Variants in SLC9C2 observed in about 807,000 individuals in gnomAD.
SLC9C2 encodes the protein sodium/hydrogen exchanger 11.
Under a neutral mutation model 140.2 loss-of-function variants are expected in SLC9C2, and 75 were observed. The ratio of observed to expected loss-of-function variants is 0.53; its 90% CI spans 0.44 to 0.65. The LOEUF (loss-of-function observed/expected upper bound fraction) is 0.65. Ranked by LOEUF, SLC9C2 falls within the 30% of genes least tolerant of loss-of-function variation. The pLI is 0.00. For missense variants in SLC9C2, 1,074 were observed against 1,331.8 expected, an observed-to-expected ratio of 0.81 and a Z score of 3.01; for synonymous variants, 375 against 420.9, an observed-to-expected ratio of 0.89 and a Z score of 1.34.
intron 10 of SLC9C2, among the ~76,000 whole-genome samples, chr1:173,556,707 A>G (rs1408072556): frequency 6.6e-6 from 1 of 152,078 alleles, no homozygotes; most frequent in African/African-American, 2.4e-5. Context: ...ACCTGAGGCC[A>G]AGAGTTCGAG....
intron 9 of SLC9C2, among the ~76,000 whole-genome samples, chr1:173,557,783 GTAGTA>G (rs1417645532): frequency 1.3e-5 from 2 of 152,076 alleles, no homozygotes; most frequent in Admixed American, 6.6e-5. Context: ...TTGGAATTGG[GTAGTA>G]AATGCTCACA....
intron 22 of SLC9C2, among the ~76,000 whole-genome samples, chr1:173,520,076 G>A (rs535849848): frequency 2.6e-5 from 4 of 152,130 alleles, no homozygotes; most frequent in African/African-American, 4.8e-5. Flanking sequence ...TGAACCCGAC[G>A]GACAGACCTT....
chr1:173,551,769 G>A, intron 11 of SLC9C2, among the ~76,000 whole-genome samples: 1 of 152,026 alleles, frequency 6.6e-6, no homozygotes, highest in Non-Finnish European at 1.5e-5. Context: ...GCTATTCCCT[G>A]AGACACACAG....
chr1:173,548,124 G>T (rs938041637), intron 12 of SLC9C2, among the ~76,000 whole-genome samples: 2 of 152,154 alleles, frequency 1.3e-5, no homozygotes, highest in Non-Finnish European at 2.9e-5. Context: ...CATTATCTTG[G>T]CAGAGGCCAT....
At chr1:173,541,244 C>T (rs12028209) in intron 13 of SLC9C2, among the ~76,000 whole-genome samples, 29,703 of 151,230 alleles carry the variant, frequency 0.2, 4,199 homozygotes, top group East Asian at 0.64. Context: ...AACCAACAAA[C>T]ATCAAAAGAG....
chr1:173,600,860 C>T (rs1666735219), intron 2 of SLC9C2, among the ~76,000 whole-genome samples: 1 of 152,164 alleles, frequency 6.6e-6, no homozygotes, highest in African/African-American at 2.4e-5. Context: ...CTCTTTGATA[C>T]AATGGGTAAA....
rs566970343 is a variant in SLC9C2 at position 173,598,356 on chromosome 1, T to C, written c.229-324A>G. 3.9e-5 allele frequency among the ~76,000 whole-genome samples: 6 copies of C among 152,340 alleles called. No individual in the cohort carries two copies. In the South Asian group the frequency reaches 1.2e-3, roughly 32 times the overall value. Reference sequence around the variant, plus strand: ...GAAAATATTTTTGGTGATTCACAGGTAAGTATTTTTTAATTTGACTGTTAG... The same window carrying C: ...GAAAATATTTTTGGTGATTCACAGGCAAGTATTTTTTAATTTGACTGTTAG... On this transcript the variant is annotated intron_variant, in intron 3 of 27. Coordinates refer to ENST00000367714, the MANE Select transcript of SLC9C2 (RefSeq NM_178527.4).
intron 18 of SLC9C2, among the ~76,000 whole-genome samples, chr1:173,529,624 G>C (rs554799943): frequency 6.7e-6 from 1 of 149,560 alleles, no homozygotes; most frequent in African/African-American, 2.5e-5. Context: ...CTTTTAGAGA[G>C]TGTTACAGAG....
intron 26 of SLC9C2, among the ~76,000 whole-genome samples, chr1:173,504,525 G>A (rs376481383): frequency 6.6e-6 from 1 of 152,124 alleles, no homozygotes; most frequent in Non-Finnish European, 1.5e-5. Flanking sequence ...CTAAACTGAT[G>A]GATCACATGA....
chr1:173,538,963 G>A (rs1662178082), intron 13 of SLC9C2, among the ~76,000 whole-genome samples: 1 of 152,120 alleles, frequency 6.6e-6, no homozygotes, highest in South Asian at 2.1e-4. Context: ...AACTATGCAG[G>A]GCAGGGGAAA....
rs1176119838 is a variant in SLC9C2, at chr1:173,557,497, A to G, written c.1058T>C (p.Ile353Thr). The change falls in exon 10 of 28, where the codon ATT (isoleucine) becomes ACT (threonine). Residue 353 changes from isoleucine to threonine, a missense_variant. Physicochemically the swap from Ile to Thr is moderately conservative, Grantham distance 89 (BLOSUM62 -1). Transcript: ENST00000367714. Reference protein sequence around the residue: ...TTVNLVRLLTILLVSPILMHS... With the variant: ...TTVNLVRLLTTLLVSPILMHS... ...CATCAAAATAGGGCTCACTAACAAAATAGTAAGCAACCTGTGGAGAGGGAA... is the reference window on the plus strand; with the variant it reads ...CATCAAAATAGGGCTCACTAACAAAGTAGTAAGCAACCTGTGGAGAGGGAA... 6.2e-7 allele frequency: 1 copy of G among 1,611,794 alleles called. No homozygotes were observed. Among genetic ancestry groups the G allele is most frequent in the Admixed American group, 1.7e-5 (1 of 59,512 alleles).
chr1:173,543,623 A>G (rs918228634), intron 13 of SLC9C2, among the ~76,000 whole-genome samples: 5 of 152,218 alleles, frequency 3.3e-5, no homozygotes, highest in African/African-American at 1.2e-4. Flanking sequence ...GGCTACAGTA[A>G]CAAAAACAGC....
At chr1:173,575,818 T>C (rs1283210813) in intron 8 of SLC9C2, among the ~76,000 whole-genome samples, 1 of 152,168 alleles carries the variant, frequency 6.6e-6, no homozygotes, top group Non-Finnish European at 1.5e-5. Flanking sequence ...GACCTCGTGA[T>C]CCGCCTGCCT....
Position 173,524,080 on chromosome 1 carries a change from T to C in SLC9C2, c.2529A>G (p.Lys843=), listed in dbSNP as rs775735608. 2.0e-5 allele frequency: 32 copies of C among 1,610,246 alleles called. No individual in the cohort carries two copies. The highest frequency in any genetic ancestry group is 2.6e-5 in the Non-Finnish European group (31 of 1,178,694). The stretch of plus-strand genomic sequence containing the variant: ...TTGGAAAGTTATTTAGTGCTTTTAA[T>C]TTTTTAAGAAGTACCTAAAAACAAA... ...VIEINKVLLK[K]LKALNNFPKA... is the part of the protein sequence containing the mutation. Residue 843 remains lysine (K), a synonymous_variant, in exon 21 of 28, where the codon AAA becomes AAG. Coordinates refer to ENST00000367714, the MANE Select transcript of SLC9C2 (RefSeq NM_178527.4).
rs56043618 is a variant in SLC9C2, at chr1:173,534,446, G to C, written c.1974+38C>G. On this transcript the variant is annotated intron_variant, in intron 16 of 27. Coordinates refer to ENST00000367714, the MANE Select transcript of SLC9C2 (RefSeq NM_178527.4). Reference sequence around the variant, plus strand: ...AAAATAGATTCAAAATACCTGAATTGCTCTTTTTATAGATTCTATTTCTAT... The same window carrying C: ...AAAATAGATTCAAAATACCTGAATTCCTCTTTTTATAGATTCTATTTCTAT... 6 of 1,500,884 alleles carry C rather than the reference G, an allele frequency of 4.0e-6. No individual in the cohort carries two copies. In the African/African-American group the frequency reaches 4.4e-5, roughly 11 times the overall value. 93.0% of individuals were successfully genotyped at this position (1,500,884 alleles called of 1,614,324 possible).
rs537213091 is a variant in SLC9C2 at position 173,518,831 on chromosome 1, C to A, written c.2740-1127G>T. ...GAATGCAATTCAAAGGATCTTTGAG[C>A]AATGAAGAATGCCTCTGCTTTTTGC... On this transcript the variant is annotated intron_variant, in intron 22 of 27. Transcript: ENST00000367714. 3.9e-5 allele frequency among the ~76,000 whole-genome samples: 6 copies of A among 151,998 alleles called. No individual in the cohort carries two copies. In the East Asian group the frequency reaches 7.8e-4, roughly 20 times the overall value.
At chr1:173,568,252 G>T (rs1231787573) in intron 9 of SLC9C2, among the ~76,000 whole-genome samples, 2 of 152,098 alleles carry the variant, frequency 1.3e-5, no homozygotes, top group African/African-American at 4.8e-5. Flanking sequence ...GTACCTAATA[G>T]TTACTTTTTC....
chr1:173,545,115 C>T (rs1253978304), intron 13 of SLC9C2, among the ~76,000 whole-genome samples: 2 of 152,184 alleles, frequency 1.3e-5, no homozygotes, highest in African/African-American at 4.8e-5. Flanking sequence ...CCCAAAGATT[C>T]AAGGTCGTAT....
intron 27 of SLC9C2, among the ~76,000 whole-genome samples, chr1:173,502,272 CAAAAAAAAAAAA>C (rs34183286): frequency 4.9e-5 from 2 of 40,798 alleles, no homozygotes; most frequent in African/African-American, 7.4e-5. Flanking sequence ...GATTCCATCT[CAAAAAAAAAAAA>C]AAAAAAAAAA....
Sources: allele counts gnomAD v4.1 joint callset (sites outside exome capture counted in the v4.1 genomes callset), GRCh38; gene constraint gnomAD v4.1.1; transcripts MANE v1.5; gene names NCBI Gene and HGNC (gene_info 2026-07-23, HGNC 2026-07-21).